The following TUT7 variants were observed in gnomAD, a reference collection of about 807,000 sequenced individuals.
TUT7 encodes the protein terminal uridylyltransferase 7.
TUT7 carries 33 observed loss-of-function variants against 165.9 expected under a neutral mutation model. That is an observed-to-expected ratio of 0.20 (90% confidence interval 0.15 to 0.27). The LOEUF is 0.27. Among genes scored for constraint, TUT7 ranks in the 10% least tolerant of loss-of-function variants. The pLI is 1.00. For synonymous variants in TUT7, 552 were observed against 608.1 expected (o/e 0.91, Z 1.36); for missense variants, 1,338 against 1,762.3 (o/e 0.76, Z 4.31).
intron 26 of TUT7, among the ~76,000 whole-genome samples, chr9:86,289,859 C>A (rs1825782701): frequency 6.6e-6 from 1 of 151,930 alleles, no homozygotes; most frequent in African/African-American, 2.4e-5. Context: ...TTCATAAAAA[C>A]CTTATAATTA....
chr9:86,323,383 T>G lies in TUT7; in HGVS notation c.2367A>C (p.Leu789Phe). 6.2e-7 allele frequency: 1 copy of G among 1,614,176 alleles called. No individual in the cohort carries two copies. The highest frequency in any genetic ancestry group is 8.5e-7 in the Non-Finnish European group (1 of 1,180,034). The change falls in exon 13 of 27, where the codon TTA becomes TTC. Residue 789 changes from leucine to phenylalanine, a missense_variant. By Grantham distance (22) the Leu-to-Phe change is conservative. Transcript: ENST00000375963. ...TAGCTGTGGGATTTTGGAAGCCTTC[T>G]AAATCCAAAGTGCTCTCTGACTCAT... is the stretch of plus-strand genomic sequence containing the variant. ...RNNESESTLD[L>F]EGFQNPTAKE...
chr9:86,346,838 C>T (rs904570721), intron 2 of TUT7, among the ~76,000 whole-genome samples: 1 of 152,074 alleles, frequency 6.6e-6, no homozygotes, highest in African/African-American at 2.4e-5. Context: ...TAAAATATTA[C>T]AATACATATT....
intron 15 of TUT7, among the ~76,000 whole-genome samples, chr9:86,319,305 T>G (rs554384895): frequency 6.6e-6 from 1 of 152,208 alleles, no homozygotes; most frequent in Non-Finnish European, 1.5e-5. Flanking sequence ...GCAAAGACAT[T>G]TCAAGGAAAA....
chr9:86,342,935 C>A, intron 6 of TUT7, 140 bp downstream of exon 6: 1 of 569,128 alleles, frequency 1.8e-6, no homozygotes, highest in Non-Finnish European at 3.0e-6. Flanking sequence ...AAAAAAAGCT[C>A]TGAAACTGAA....
intron 10 of TUT7, chr9:86,337,149 TTG>T (rs1291516817): frequency 7.9e-6 from 2 of 253,944 alleles, no homozygotes; most frequent in African/African-American, 2.3e-5. Flanking sequence ...GGTCAGTCTC[TTG>T]TTCGTCTCAG....
chr9:86,312,521 C>T lies in TUT7; in HGVS notation c.3275-1712G>A, dbSNP rs573375596. On this transcript the variant is annotated intron_variant, in intron 17 of 26. Coordinates refer to ENST00000375963, the MANE Select transcript of TUT7 (RefSeq NM_024617.4). The stretch of plus-strand genomic sequence containing the variant: ...TCAGTCCCCCGCCCGGCCAGCTGCC[C>T]CGTCTGGGAGGTGAGGGGCGCCTCT... 2.7e-3 allele frequency among the ~76,000 whole-genome samples: 407 copies of T among 150,236 alleles called. 3 individuals carry two copies. Among genetic ancestry groups the T allele is most frequent in the Non-Finnish European group, 3.2e-3 (216 of 67,584 alleles).
At chr9:86,290,686 C>CAAAA (rs749800073) in intron 26 of TUT7, among the ~76,000 whole-genome samples, 8 of 54,756 alleles carry the variant, frequency 1.5e-4, no homozygotes, top group South Asian at 6.2e-4. Flanking sequence ...TACTAAAATA[C>CAAAA]AAAAAAAAAA....
chr9:86,322,512 C>G, intron 13 of TUT7, 37 bp from the exon 14 acceptor site: 1 of 1,576,788 alleles, frequency 6.3e-7, no homozygotes, highest in Non-Finnish European at 8.6e-7. Context: ...AGACTTAACA[C>G]TTTATTTGCC....
chr9:86,341,153 G>A lies in TUT7; in HGVS notation c.1087-100C>T, dbSNP rs541831360. On this transcript the variant is annotated intron_variant, in intron 6 of 26. Coordinates refer to ENST00000375963, the MANE Select transcript of TUT7 (RefSeq NM_024617.4). ...GTTCCCCAAATTCCTTTCTAAATGA[G>A]AAATGCACATTGCTATCAAAGTAAA... 112 of 921,126 alleles carry A rather than the reference G, an allele frequency of 1.2e-4. No individual in the cohort carries two copies. The South Asian group carries it at 1.5e-3, about 12-fold the overall frequency. 57.1% of individuals were successfully genotyped at this position (921,126 alleles called of 1,614,324 possible). A position where few individuals can be genotyped will look rare whatever the true frequency, so the allele number is the denominator to read the frequency against.
At chr9:86,336,624 G>C (rs894882519) in intron 10 of TUT7, among the ~76,000 whole-genome samples, 1 of 152,172 alleles carries the variant, frequency 6.6e-6, no homozygotes, top group African/African-American at 2.4e-5. Context: ...AGAAACTTGT[G>C]TGCATTAAGA....
Position 86,311,065 on chromosome 9 carries a change from C to T in TUT7, c.3275-256G>A, listed in dbSNP as rs948663796. Among the ~76,000 whole-genome samples, 4 of 152,174 alleles carry T rather than the reference C, an allele frequency of 2.6e-5. No individual in the cohort carries two copies. The highest frequency in any genetic ancestry group is 4.8e-5 in the African/African-American group (2 of 41,426). On this transcript the variant is annotated intron_variant, in intron 17 of 26. Transcript: ENST00000375963. This position sits in a 1 kb window ranked among gnomAD's most constrained non-coding sequence, Gnocchi z 4.4. ...ACTCCCCTCTGGGAACTTACTGGAT[C>T]GTATGTGCACACGTGTGCATGTGTG... is the stretch of plus-strand genomic sequence containing the variant.
chr9:86,305,703 A>C (rs1424532888), intron 22 of TUT7, among the ~76,000 whole-genome samples: 1 of 152,212 alleles, frequency 6.6e-6, no homozygotes, highest in Non-Finnish European at 1.5e-5. Flanking sequence ...CAAATTTCTT[A>C]AAGATCACTT....
At chr9:86,343,828 T>C (rs1459845985) in intron 5 of TUT7, among the ~76,000 whole-genome samples, 1 of 152,234 alleles carries the variant, frequency 6.6e-6, no homozygotes, top group Non-Finnish European at 1.5e-5. Flanking sequence ...ATCTATAGTA[T>C]AGCATTTATT....
chr9:86,303,222 A>G, intron 24 of TUT7, 21 bp from the exon 25 acceptor site: 1 of 1,388,548 alleles, frequency 7.2e-7, no homozygotes, highest in Non-Finnish European at 1.0e-6. Context: ...ATAAATATAT[A>G]AAAGCCTGAA....
Position 86,353,017 on chromosome 9 carries a change from A to C in TUT7, c.183T>G (p.Tyr61Ter). 1 of 1,614,206 alleles carries C rather than the reference A, an allele frequency of 6.2e-7. No homozygotes were observed. The highest frequency in any genetic ancestry group is 8.5e-7 in the Non-Finnish European group (1 of 1,180,038). The change falls in exon 2 of 27, where the codon TAT becomes TAG. Residue 61 changes from tyrosine to a stop codon, truncating the protein, a stop_gained. Transcript: ENST00000375963. LOFTEE classifies it high-confidence loss of function. ...LQKKKITPGN[Y>*]GNTPRKGPCA... ...ATGGTCCTTTTCTGGGGGTATTCCC[A>C]TAGTTCCCTGGTGTTATCTTCTTTT...
intron 22 of TUT7, 111 bp from the exon 23 acceptor site, chr9:86,305,350 CATTAAT>C (rs1827367931): frequency 2.8e-6 from 2 of 715,910 alleles, no homozygotes; most frequent in African/African-American, 1.9e-5. Flanking sequence ...CTTTGCTTAT[CATTAAT>C]AAGTTTTAAA....
Position 86,338,829 on chromosome 9 carries a change from C to T in TUT7, c.1329G>A (p.Trp443Ter). ...ATAAAGACCTCAAGCCTACCTTTGC[C>T]CAGTACCTAAATGCAATCACCAAAG... ...LVPLVIAFRY[W>*]AKLCSIDRPE... The change falls in exon 9 of 27, where the codon TGG becomes TGA. Residue 443 changes from tryptophan to a stop codon, truncating the protein, a stop_gained. Transcript: ENST00000375963. LOFTEE classifies it high-confidence loss of function. 1 of 1,605,024 alleles carries T rather than the reference C, an allele frequency of 6.2e-7. No individual in the cohort carries two copies. The highest frequency in any genetic ancestry group is 8.5e-7 in the Non-Finnish European group (1 of 1,175,594).
At chr9:86,292,476 A>T (rs1019195104) in intron 26 of TUT7, among the ~76,000 whole-genome samples, 3 of 151,868 alleles carry the variant, frequency 2.0e-5, no homozygotes, top group East Asian at 1.9e-4. Flanking sequence ...CTCAAAAAAA[A>T]AAAAAAGGAA....
chr9:86,309,331 A>C, intron 20 of TUT7, 42 bp from the exon 21 acceptor site: 1 of 1,429,422 alleles, frequency 7.0e-7, no homozygotes, highest in South Asian at 1.2e-5. Flanking sequence ...TTACAAACTT[A>C]ATGCATTGAT....
Sources: allele counts gnomAD v4.1 joint callset (sites outside exome capture counted in the v4.1 genomes callset), GRCh38; gene constraint gnomAD v4.1.1; non-coding constraint Gnocchi (gnomAD v3.1); transcripts MANE v1.5; gene names NCBI Gene and HGNC (gene_info 2026-07-23, HGNC 2026-07-21).